Variants in TTC28 observed in about 807,000 individuals in gnomAD.
TTC28 encodes the protein tetratricopeptide repeat protein 28.
A neutral mutation model predicts 198.0 loss-of-function variants in TTC28; 61 were observed. That is an observed-to-expected ratio of 0.31 (90% CI 0.25 to 0.38). The LOEUF (loss-of-function observed/expected upper bound fraction) is 0.38. TTC28 is among the 10% of genes least tolerant of loss of function. The pLI is 1.00. For synonymous variants in TTC28, 1,171 were observed against 1,297.8 expected, an observed-to-expected ratio of 0.90 and a Z score of 2.10; for missense variants, 2,678 against 3,164.0, an observed-to-expected ratio of 0.85 and a Z score of 3.69.
At chr22:28,053,573 G>C (rs1415182352) in intron 12 of TTC28, among the ~76,000 whole-genome samples, 1 of 152,196 alleles carries the variant, frequency 6.6e-6, no homozygotes, top group African/African-American at 2.4e-5. Flanking sequence ...TGCATAAATT[G>C]TGAAGCAATG....
intron 2 of TTC28, among the ~76,000 whole-genome samples, chr22:28,620,978 A>C (rs2050985665): frequency 6.6e-6 from 1 of 152,174 alleles, no homozygotes; most frequent in African/African-American, 2.4e-5. Flanking sequence ...TCTTAATCTT[A>C]AAAACATATT....
intron 6 of TTC28, among the ~76,000 whole-genome samples, chr22:28,124,001 A>G (rs1942855064): frequency 6.6e-6 from 1 of 152,084 alleles, no homozygotes; most frequent in African/African-American, 2.4e-5. Context: ...GAAAAAATAT[A>G]TATTTTTTAC....
chr22:28,132,416 A>G (rs1390670336), intron 6 of TTC28, among the ~76,000 whole-genome samples: 1 of 152,224 alleles, frequency 6.6e-6, no homozygotes. Context: ...ACAGCAATAT[A>G]CTAAGCCAGG....
intron 2 of TTC28, among the ~76,000 whole-genome samples, chr22:28,337,645 C>A (rs142789960): frequency 2.6e-5 from 4 of 152,000 alleles, no homozygotes; most frequent in Non-Finnish European, 5.9e-5. Flanking sequence ...CTGTTTTATC[C>A]GAGAGTAGGA....
chr22:28,514,113 A>G (rs967748231), intron 2 of TTC28, among the ~76,000 whole-genome samples: 50 of 152,186 alleles, frequency 3.3e-4, no homozygotes, highest in African/African-American at 1.1e-3. Context: ...TCACCTTTTT[A>G]TATCTCCATG....
intron 2 of TTC28, among the ~76,000 whole-genome samples, chr22:28,393,096 T>C (rs1240562781): frequency 6.6e-6 from 1 of 152,108 alleles, no homozygotes; most frequent in Non-Finnish European, 1.5e-5. Context: ...TTGCTCAGGC[T>C]GGTCTCAAAC....
intron 2 of TTC28, among the ~76,000 whole-genome samples, chr22:28,496,628 G>A (rs1601470258): frequency 6.6e-6 from 1 of 152,004 alleles, no homozygotes; most frequent in Non-Finnish European, 1.5e-5. Context: ...CCCTTGTCCA[G>A]GTCATCATCA....
At chr22:28,119,688 T>C (rs1192651460) in intron 6 of TTC28, among the ~76,000 whole-genome samples, 1 of 152,214 alleles carries the variant, frequency 6.6e-6, no homozygotes, top group Non-Finnish European at 1.5e-5. Flanking sequence ...GGGAAAATCC[T>C]ACACAATGAA....
Position 28,537,492 on chromosome 22 carries a change from C to CA in TTC28, c.381+92059dup, listed in dbSNP as rs527877335. Among the ~76,000 whole-genome samples the CA allele has an allele frequency of 4.8e-3, 727 of 150,796 alleles. 4 individuals carry two copies. The highest frequency in any genetic ancestry group is 0.016 in the African/African-American group (653 of 41,128). ...AAAGTGAAGATAGATCCTCTCATAA[C>CA]AAAAAAAATTCCAGATTGATCAAAA... On this transcript the variant is annotated intron_variant, in intron 2 of 22. Coordinates refer to ENST00000397906, the MANE Select transcript of TTC28 (RefSeq NM_001145418.2).
chr22:28,676,135 C>G (rs1426818140), intron 1 of TTC28, among the ~76,000 whole-genome samples: 6 of 152,028 alleles, frequency 3.9e-5, no homozygotes, highest in African/African-American at 1.4e-4. Flanking sequence ...AACAGAGGAA[C>G]TGATAAAATA....
At chr22:28,498,418 T>C (rs1488665446) in intron 2 of TTC28, among the ~76,000 whole-genome samples, 1 of 152,170 alleles carries the variant, frequency 6.6e-6, no homozygotes, top group African/African-American at 2.4e-5. Flanking sequence ...CAAATGTAAG[T>C]TGAGATAAAC....
chr22:28,000,987 G>C (rs1937660655), intron 15 of TTC28: 1 of 175,896 alleles, frequency 5.7e-6, no homozygotes, highest in African/African-American at 2.3e-5. Flanking sequence ...CAGCTCAAGG[G>C]CCAGATGAAT....
chr22:28,404,281 G>A lies in TTC28; in HGVS notation c.382-97638C>T, dbSNP rs545056912. On this transcript the variant is annotated intron_variant, in intron 2 of 22. Transcript: ENST00000397906. ...ACTACAGGTGCCCACCACTACGCCC[G>A]GCTAATTTTTGTATTTTTAATAGAG... Among the ~76,000 whole-genome samples the A allele has an allele frequency of 6.8e-4, 104 of 151,948 alleles. No homozygotes were observed. In the South Asian group the frequency reaches 0.011, roughly 16 times the overall value.
intron 1 of TTC28, among the ~76,000 whole-genome samples, chr22:28,635,419 AT>A (rs1292155447): frequency 1.3e-5 from 2 of 152,180 alleles, no homozygotes; most frequent in African/African-American, 4.8e-5. Flanking sequence ...ATTAACCATT[AT>A]TTATTCCCTC....
chr22:28,405,426 T>G (rs1013311468), intron 2 of TTC28, among the ~76,000 whole-genome samples: 1 of 152,144 alleles, frequency 6.6e-6, no homozygotes, highest in Non-Finnish European at 1.5e-5. Context: ...AGGAGAAGCA[T>G]TTATAAATGT....
intron 12 of TTC28, among the ~76,000 whole-genome samples, chr22:28,088,920 C>CCAT (rs1274388015): frequency 1.3e-5 from 2 of 152,194 alleles, no homozygotes; most frequent in Admixed American, 6.5e-5. Context: ...AAAATGCTCA[C>CCAT]CATCACTGGC....
At chr22:28,604,321 A>ATG (rs890827720) in intron 2 of TTC28, among the ~76,000 whole-genome samples, 1 of 140,882 alleles carries the variant, frequency 7.1e-6, no homozygotes, top group Non-Finnish European at 1.6e-5. Flanking sequence ...ATATATATAT[A>ATG]TGTCTTTACC....
intron 8 of TTC28, among the ~76,000 whole-genome samples, chr22:28,101,620 C>T (rs930439052): frequency 3.3e-5 from 5 of 151,832 alleles, no homozygotes; most frequent in African/African-American, 7.3e-5. Context: ...CCACCCACCC[C>T]GGTCTCCTAA....
At chr22:28,562,992 G>A (rs887048356) in intron 2 of TTC28, among the ~76,000 whole-genome samples, 3 of 152,020 alleles carry the variant, frequency 2.0e-5, no homozygotes, top group East Asian at 1.9e-4. Flanking sequence ...GTGTGGTGGC[G>A]TGTACCTGTA....
Sources: gnomAD v4.1 joint callset for allele counts (sites outside exome capture counted in the v4.1 genomes callset) on GRCh38, gnomAD v4.1.1 for gene constraint, MANE v1.5 for transcripts, NCBI Gene and HGNC (gene_info 2026-07-23, HGNC 2026-07-21) for gene names.